Variants in CAMK2D observed in about 807,000 individuals in gnomAD.
CAMK2D encodes the protein calcium/calmodulin dependent protein kinase II delta, also known as calcium/calmodulin-dependent protein kinase type II subunit delta.
CAMK2D carries 37 observed loss-of-function variants against 84.0 expected under a neutral mutation model. The observed-to-expected ratio is 0.44, with a 90% confidence interval of 0.34 to 0.58. CAMK2D has a LOEUF of 0.58. Ranked by LOEUF, CAMK2D falls within the 20% of genes least tolerant of loss-of-function variation. CAMK2D has a pLI of 0.02. For synonymous variants in CAMK2D, 202 were observed against 212.5 expected (o/e 0.95, Z 0.43); for missense variants, 448 against 652.5 (o/e 0.69, Z 3.41).
intron 17 of CAMK2D, among the ~76,000 whole-genome samples, chr4:113,462,338 G>GTCTGTCTGTCTATCTATCTA: frequency 7.7e-6 from 1 of 130,526 alleles, no homozygotes; most frequent in South Asian, 2.6e-4. Context: ...CTGTCTGTCT[G>GTCTGTCTGTCTATCTATCTA]TCTATCTATC....
intron 2 of CAMK2D, among the ~76,000 whole-genome samples, chr4:113,756,239 A>C (rs912189545): frequency 6.6e-6 from 1 of 152,058 alleles, no homozygotes; most frequent in Admixed American, 6.6e-5. Context: ...TTTATGCAGG[A>C]ATGTAGCCAA....
intron 2 of CAMK2D, among the ~76,000 whole-genome samples, chr4:113,699,992 T>C (rs2099413259): frequency 6.6e-6 from 1 of 152,216 alleles, no homozygotes; most frequent in African/African-American, 2.4e-5. Context: ...ACATTCCTGC[T>C]TGTCTATAAT....
chr4:113,513,383 T>C lies in CAMK2D; in HGVS notation c.904-13A>G. 6.3e-7 allele frequency: 1 copy of C among 1,588,036 alleles called. No homozygotes were observed. Reference sequence around the variant, plus strand: ...TCAAGATGGCACCCTGTGAAAAAAATTAGAACACAAAAGTCAGTGTTGCCT... The same window carrying C: ...TCAAGATGGCACCCTGTGAAAAAAACTAGAACACAAAAGTCAGTGTTGCCT... On this transcript the variant is annotated splice_polypyrimidine_tract_variant and intron_variant, in intron 11 of 20. Transcript: ENST00000511664.
intron 4 of CAMK2D, among the ~76,000 whole-genome samples, chr4:113,587,584 T>C (rs533394635): frequency 1.1e-4 from 16 of 152,272 alleles, no homozygotes; most frequent in East Asian, 7.7e-4. Context: ...AACTGAAGGA[T>C]TGAGGTTGCT....
chr4:113,465,707 C>A, intron 16 of CAMK2D, 103 bp from the exon 17 acceptor site: 1 of 721,936 alleles, frequency 1.4e-6, no homozygotes. Flanking sequence ...CTCTGTCACC[C>A]ATGCTGGAGT....
At position 113,761,495 on chromosome 4, in the gene CAMK2D, G is replaced by A. The variant is rs1308699440; in HGVS notation, c.-427C>T. On this transcript the variant is annotated 5_prime_UTR_variant, in exon 1 of 21. Transcript: ENST00000511664. ...GAGGAGTAGAAGCAGAGGGGAGGGAGTCCGAGGGGGCGGAGGTGGAGTGCA... is the reference window on the plus strand; with the variant it reads ...GAGGAGTAGAAGCAGAGGGGAGGGAATCCGAGGGGGCGGAGGTGGAGTGCA... 7.6e-6 allele frequency: 8 copies of A among 1,052,080 alleles called. No homozygotes were observed. The highest frequency in any genetic ancestry group is 9.2e-6 in the Non-Finnish European group (8 of 869,144). The allele number at this position is 1,052,080 out of a possible 1,614,324, so 65.2% of individuals were successfully genotyped here.
intron 2 of CAMK2D, among the ~76,000 whole-genome samples, chr4:113,711,569 A>G (rs1254479806): frequency 6.6e-6 from 1 of 152,220 alleles, no homozygotes; most frequent in Non-Finnish European, 1.5e-5. Flanking sequence ...GAAATGACAC[A>G]ATAATATTGG....
intron 16 of CAMK2D, among the ~76,000 whole-genome samples, chr4:113,490,574 T>C (rs1343576175): frequency 1.4e-5 from 2 of 147,860 alleles, no homozygotes; most frequent in Admixed American, 6.8e-5. Context: ...AGTCAGGTAG[T>C]GTGATGCCTC....
intron 4 of CAMK2D, among the ~76,000 whole-genome samples, chr4:113,593,052 C>T (rs35267767): frequency 0.66 from 99,734 of 151,756 alleles, 33,403 homozygotes; most frequent in Middle Eastern, 0.73. Flanking sequence ...TTGGGTTTCG[C>T]CATCTTGGCC....
chr4:113,582,684 G>T (rs1290432472), intron 4 of CAMK2D, among the ~76,000 whole-genome samples: 2 of 152,128 alleles, frequency 1.3e-5, no homozygotes, highest in Non-Finnish European at 2.9e-5. Context: ...CCTATTTCAG[G>T]CTGTTATTTA....
chr4:113,542,694 A>ATG (rs1560836621), intron 6 of CAMK2D, among the ~76,000 whole-genome samples: 3 of 151,136 alleles, frequency 2.0e-5, no homozygotes, highest in Non-Finnish European at 4.4e-5. Flanking sequence ...CAGCCTGGGC[A>ATG]ACAGAGCGAG....
At chr4:113,587,353 G>C (rs975039084) in intron 4 of CAMK2D, among the ~76,000 whole-genome samples, 1 of 152,180 alleles carries the variant, frequency 6.6e-6, no homozygotes, top group African/African-American at 2.4e-5. Context: ...TTCACATGCT[G>C]ATAAAGGCAA....
At chr4:113,519,158 G>A (rs1361063072) in intron 8 of CAMK2D, among the ~76,000 whole-genome samples, 1 of 152,136 alleles carries the variant, frequency 6.6e-6, no homozygotes, top group Non-Finnish European at 1.5e-5. Flanking sequence ...GGTTCCAGGA[G>A]GTTAAGAAGA....
intron 4 of CAMK2D, among the ~76,000 whole-genome samples, chr4:113,600,523 A>G (rs922065371): frequency 3.9e-5 from 6 of 152,218 alleles, no homozygotes; most frequent in Non-Finnish European, 8.8e-5. Context: ...AAAAAATCCT[A>G]TAGTCCACAA....
At chr4:113,497,629 A>T (rs2097956734) in intron 16 of CAMK2D, among the ~76,000 whole-genome samples, 1 of 152,196 alleles carries the variant, frequency 6.6e-6, no homozygotes, top group Non-Finnish European at 1.5e-5. Flanking sequence ...GGGTTACCAC[A>T]GTGTTTAATC....
Position 113,737,590 on chromosome 4 carries a change from A to G in CAMK2D, c.160+21730T>C, listed in dbSNP as rs77307875. On this transcript the variant is annotated intron_variant, in intron 2 of 20. Transcript: ENST00000511664. The stretch of plus-strand genomic sequence containing the variant: ...GAAAGTTGTACGACGATGTGAATAT[A>G]CTTAATGCCACTAAATTGTACACTT... Among the ~76,000 whole-genome samples the G allele has an allele frequency of 5.9e-3, 893 of 152,320 alleles. 11 individuals carry two copies. The highest frequency in any genetic ancestry group is 0.021 in the African/African-American group (858 of 41,574).
chr4:113,458,410 C>A (rs1052386331), intron 18 of CAMK2D, among the ~76,000 whole-genome samples: 2 of 152,160 alleles, frequency 1.3e-5, no homozygotes, highest in African/African-American at 4.8e-5. Context: ...TCCAAACATG[C>A]TTTCCATTCT....
At position 113,761,448 on chromosome 4, in the gene CAMK2D, G is replaced by A; in HGVS notation, c.-380C>T. 8.5e-7 allele frequency: 1 copy of A among 1,170,336 alleles called. No individual in the cohort carries two copies. Among genetic ancestry groups the A allele is most frequent in the Non-Finnish European group, 1.1e-6 (1 of 935,792 alleles). 72.5% of individuals were successfully genotyped at this position (1,170,336 alleles called of 1,614,324 possible). A position where few individuals can be genotyped will look rare whatever the true frequency, so the allele number is the denominator to read the frequency against. On this transcript the variant is annotated 5_prime_UTR_variant, in exon 1 of 21. Coordinates refer to ENST00000511664, the MANE Select transcript of CAMK2D (RefSeq NM_001321571.2). Reference sequence around the variant, plus strand: ...CACGGGACGAGTGGCAAGCAGTTGCGAAACGATCCGCACTGGAGCAGGAGG... The same window carrying A: ...CACGGGACGAGTGGCAAGCAGTTGCAAAACGATCCGCACTGGAGCAGGAGG...
At chr4:113,665,818 T>C (rs1362075459) in intron 2 of CAMK2D, among the ~76,000 whole-genome samples, 3 of 152,234 alleles carry the variant, frequency 2.0e-5, no homozygotes, top group Non-Finnish European at 2.9e-5. Flanking sequence ...TAGTAATATA[T>C]GGTTGAAGAC....
Sources: allele counts gnomAD v4.1 joint callset (sites outside exome capture counted in the v4.1 genomes callset), GRCh38; gene constraint gnomAD v4.1.1; transcripts MANE v1.5; gene names NCBI Gene and HGNC (gene_info 2026-07-23, HGNC 2026-07-21).